ZNF730: variants seen among roughly 807,000 people sequenced by gnomAD.
ZNF730 encodes putative zinc finger protein 730.
Under a neutral mutation model 12.6 loss-of-function variants are expected in ZNF730, and 12 were observed. The observed-to-expected ratio is 0.95, with a 90% CI of 0.61 to 1.54. The LOEUF is 1.54. Among genes scored for constraint, ZNF730 ranks in the 40% most tolerant of loss-of-function variants. ZNF730 has a pLI of 0.00. For synonymous variants in ZNF730, 194 were observed against 195.8 expected, an observed-to-expected ratio of 0.99 and a Z score of 0.08; for missense variants, 643 against 583.5, an observed-to-expected ratio of 1.10 and a Z score of -1.05.
At chr19:23,085,035 C>T (rs1260783702) in intron 1 of ZNF730, among the ~76,000 whole-genome samples, 1 of 152,096 alleles carries the variant, frequency 6.6e-6, no homozygotes, top group Non-Finnish European at 1.5e-5. Flanking sequence ...AAAAAATCAC[C>T]ACACTGTCTT....
In ZNF730 at chr19:23,129,720, G is replaced by A. The variant is rs376672308; in HGVS notation, c.4-4360G>A. Among the ~76,000 whole-genome samples the A allele has an allele frequency of 2.7e-3, 404 of 152,152 alleles. 2 individuals carry two copies. Among genetic ancestry groups the A allele is most frequent in the African/African-American group, 9.5e-3 (393 of 41,512 alleles). ...AATGAGTTAAGACTTTGGGCCGGGC[G>A]TGGTGGCTCATGCTAGTAATCCCAG... On this transcript the variant is annotated intron_variant, in intron 1 of 3. Transcript: ENST00000597761.
intron 1 of ZNF730, chr19:23,095,328 C>T (rs1970230513): frequency 2.5e-6 from 1 of 398,424 alleles, no homozygotes; most frequent in Non-Finnish European, 4.4e-6. Flanking sequence ...TGTGCCCTGT[C>T]CATGTGGGCC....
intron 1 of ZNF730, among the ~76,000 whole-genome samples, chr19:23,100,542 T>C (rs2145530375): frequency 6.6e-6 from 1 of 151,548 alleles, no homozygotes; most frequent in South Asian, 2.1e-4. Flanking sequence ...AGTCCACTGG[T>C]GAAGTCCTGA....
At chr19:23,118,728 CAG>C (rs923674379) in intron 1 of ZNF730, among the ~76,000 whole-genome samples, 1 of 152,176 alleles carries the variant, frequency 6.6e-6, no homozygotes, top group Non-Finnish European at 1.5e-5. Context: ...GAGGGAAAAA[CAG>C]AAGTGATTTC....
intron 1 of ZNF730, among the ~76,000 whole-genome samples, chr19:23,093,402 G>A (rs748661541): frequency 2.8e-4 from 42 of 152,262 alleles, no homozygotes; most frequent in Non-Finnish European, 4.6e-4. Flanking sequence ...CATCTTCTGA[G>A]GGCCCGGAAG....
intron 1 of ZNF730, chr19:23,128,137 A>G (rs188055117): frequency 5.8e-5 from 53 of 914,040 alleles, no homozygotes; most frequent in South Asian, 4.1e-4. Flanking sequence ...TACCACTGGC[A>G]ATAAAGTTTT....
chr19:23,094,226 T>G (rs1380433906), intron 1 of ZNF730, among the ~76,000 whole-genome samples: 1 of 152,058 alleles, frequency 6.6e-6, no homozygotes, highest in African/African-American at 2.4e-5. Context: ...TTCTTTCTTT[T>G]CTCTCTGTTA....
chr19:23,111,575 C>T (rs1029105803), intron 1 of ZNF730, among the ~76,000 whole-genome samples: 60 of 151,940 alleles, frequency 3.9e-4, no homozygotes, highest in African/African-American at 1.4e-3. Context: ...AGTGAAACCC[C>T]GTCTCTACTA....
chr19:23,125,668 G>A (rs1330196499), intron 1 of ZNF730: 1 of 152,220 alleles, frequency 6.6e-6, no homozygotes, highest in East Asian at 1.9e-4. Flanking sequence ...CTGCAGGATA[G>A]GTTTTGTTAA....
chr19:23,139,234 A>T (rs937033009), intron 3 of ZNF730, among the ~76,000 whole-genome samples: 4 of 151,588 alleles, frequency 2.6e-5, no homozygotes, highest in East Asian at 3.9e-4. Context: ...CAAAAAATAT[A>T]TTTTTTTTTC....
intron 1 of ZNF730, among the ~76,000 whole-genome samples, chr19:23,121,848 A>G (rs1057212579): frequency 2.0e-5 from 3 of 152,178 alleles, no homozygotes; most frequent in Non-Finnish European, 2.9e-5. Context: ...TAAATTAAAG[A>G]TAAGAGGCTT....
intron 1 of ZNF730, among the ~76,000 whole-genome samples, chr19:23,082,037 C>A (rs1415331628): frequency 6.6e-6 from 1 of 152,218 alleles, no homozygotes; most frequent in Non-Finnish European, 1.5e-5. Context: ...TGTGCCACCA[C>A]ACCTGGACTT....
intron 1 of ZNF730, among the ~76,000 whole-genome samples, chr19:23,105,118 CTT>C (rs1007819236): frequency 1.5e-4 from 13 of 87,692 alleles, no homozygotes; most frequent in South Asian, 1.0e-3. Flanking sequence ...TTTTTCTTTT[CTT>C]TTTTTTTTTT....
intron 1 of ZNF730, among the ~76,000 whole-genome samples, chr19:23,079,732 GT>G (rs1969932165): frequency 6.6e-6 from 1 of 152,128 alleles, no homozygotes; most frequent in Non-Finnish European, 1.5e-5. Context: ...TCTTACAAAA[GT>G]AAAAGCAAAT....
chr19:23,101,639 C>T (rs1047635800), intron 1 of ZNF730, among the ~76,000 whole-genome samples: 4 of 146,848 alleles, frequency 2.7e-5, no homozygotes, highest in East Asian at 1.9e-4. Flanking sequence ...GTGCAATCTC[C>T]GCTCACTGCA....
At chr19:23,127,175 T>C (rs1970681759) in intron 1 of ZNF730, 1 of 550,098 alleles carries the variant, frequency 1.8e-6, no homozygotes, top group East Asian at 4.3e-5. Flanking sequence ...TCAAAGAAAT[T>C]ATCTACATCC....
intron 2 of ZNF730, 24 bp from the exon 3 acceptor site, chr19:23,135,924 T>A (rs1369480436): frequency 1.3e-6 from 2 of 1,589,626 alleles, no homozygotes; most frequent in Admixed American, 3.4e-5. Flanking sequence ...ATGAGCAAGA[T>A]TCATGTTATT....
intron 1 of ZNF730, 144 bp downstream of exon 1, chr19:23,117,320 C>T (rs1190602010): frequency 1.5e-5 from 23 of 1,493,212 alleles, no homozygotes; most frequent in Non-Finnish European, 1.9e-5. Flanking sequence ...CCTCAGTCCC[C>T]TTCAGCCATA....
At chr19:23,077,419 AAG>A (rs1330915753) in intron 1 of ZNF730, among the ~76,000 whole-genome samples, 3 of 129,282 alleles carry the variant, frequency 2.3e-5, no homozygotes, top group African/African-American at 8.7e-5. Flanking sequence ...ATAATTCCCT[AAG>A]AGCTTTTTTT....
Sources: gnomAD v4.1 joint callset for allele counts (sites outside exome capture counted in the v4.1 genomes callset) on GRCh38, gnomAD v4.1.1 for gene constraint, MANE v1.5 for transcripts, NCBI Gene and HGNC (gene_info 2026-07-23, HGNC 2026-07-21) for gene names.